GALNT17: variants seen among roughly 807,000 people sequenced by gnomAD.
The protein encoded by GALNT17 is polypeptide N-acetylgalactosaminyltransferase 17.
A neutral mutation model predicts 63.7 loss-of-function variants in GALNT17; 29 were observed. The ratio of observed to expected loss-of-function variants is 0.46; its 90% CI spans 0.34 to 0.62. GALNT17 has a LOEUF of 0.62. Ranked by LOEUF, GALNT17 falls within the 20% of genes least tolerant of loss-of-function variation. The pLI is 0.01. For synonymous variants in GALNT17, 305 were observed against 318.3 expected (o/e 0.96, Z 0.45); for missense variants, 603 against 799.6 (o/e 0.75, Z 2.97).
intron 3 of GALNT17, among the ~76,000 whole-genome samples, 153 bp from the exon 4 acceptor site, chr7:71,415,736 G>A (rs1031600631): frequency 2.0e-5 from 3 of 152,174 alleles, no homozygotes; most frequent in Non-Finnish European, 2.9e-5. Context: ...CTGACTCCTA[G>A]ACTGATGAGA....
In GALNT17 at chr7:71,661,191, G is replaced by A. The variant is rs1323791714; in HGVS notation, c.1081-4220G>A. 2.6e-5 allele frequency among the ~76,000 whole-genome samples: 4 copies of A among 152,232 alleles called. No individual in the cohort carries two copies. In the South Asian group the frequency reaches 8.3e-4, roughly 31 times the overall value. ...AAGAGAAGTCAAGGGGTCTACAGCTGTAGGTCAGCTCTCCCAGGGCAGGAA... is the reference window on the plus strand; with the variant it reads ...AAGAGAAGTCAAGGGGTCTACAGCTATAGGTCAGCTCTCCCAGGGCAGGAA... On this transcript the variant is annotated intron_variant, in intron 6 of 10. Transcript: ENST00000333538.
intron 5 of GALNT17, among the ~76,000 whole-genome samples, chr7:71,422,606 CG>C (rs1045463856): frequency 3.9e-5 from 6 of 152,194 alleles, no homozygotes; most frequent in African/African-American, 1.4e-4. Context: ...GGGTAGGTTG[CG>C]GGGAGCATTT....
chr7:71,254,281 G>A (rs1790251425), intron 1 of GALNT17, among the ~76,000 whole-genome samples: 10 of 152,160 alleles, frequency 6.6e-5, no homozygotes, highest in Admixed American at 6.5e-4. Flanking sequence ...GAAGCCTCCA[G>A]GCAGCAGGCT....
At chr7:71,504,709 C>G (rs1033010028) in intron 5 of GALNT17, among the ~76,000 whole-genome samples, 3 of 152,064 alleles carry the variant, frequency 2.0e-5, no homozygotes, top group African/African-American at 7.2e-5. Context: ...TTACCTTTGT[C>G]AAATTTGCTG....
intron 1 of GALNT17, among the ~76,000 whole-genome samples, chr7:71,249,092 G>A (rs1790151452): frequency 1.3e-5 from 2 of 152,154 alleles, no homozygotes; most frequent in South Asian, 4.1e-4. Flanking sequence ...ATAACAAAAA[G>A]TAGAGTCAGT....
rs758503243 is a variant in GALNT17, at chr7:71,711,979, TCTCTCTTCTC to T, written c.1669-28_1669-19del. On this transcript the variant is annotated intron_variant, in intron 10 of 10. Coordinates refer to ENST00000333538, the MANE Select transcript of GALNT17 (RefSeq NM_022479.3). ...TATCTCTCGCTGTCTCTCTCTCCTC[TCTCTCTTCTC>T]CTCTCTTCTCGATTTTGCCCCCTCC... is the stretch of plus-strand genomic sequence containing the variant. 4 of 1,610,078 alleles carry T rather than the reference TCTCTCTTCTC, an allele frequency of 2.5e-6. No individual in the cohort carries two copies. In the East Asian group the frequency reaches 8.9e-5, roughly 36 times the overall value.
At chr7:71,376,280 A>G (rs140454143) in intron 2 of GALNT17, among the ~76,000 whole-genome samples, 12 of 152,072 alleles carry the variant, frequency 7.9e-5, no homozygotes, top group Non-Finnish European at 1.6e-4. Flanking sequence ...ATGTAAGAAT[A>G]ACGTAGGCAG....
At chr7:71,269,877 T>C (rs1790555109) in intron 1 of GALNT17, among the ~76,000 whole-genome samples, 1 of 152,114 alleles carries the variant, frequency 6.6e-6, no homozygotes, top group Admixed American at 6.5e-5. Flanking sequence ...GATAAATTTG[T>C]TGTAAAACCT....
chr7:71,252,573 C>T (rs141471982), intron 1 of GALNT17, among the ~76,000 whole-genome samples: 63 of 152,228 alleles, frequency 4.1e-4, no homozygotes, highest in Non-Finnish European at 6.8e-4. Flanking sequence ...CTATTTATGA[C>T]GTTTACTTGT....
At chr7:71,401,376 C>T (rs1308455770) in intron 3 of GALNT17, among the ~76,000 whole-genome samples, 1 of 152,092 alleles carries the variant, frequency 6.6e-6, no homozygotes, top group African/African-American at 2.4e-5. Flanking sequence ...GGATTACAGG[C>T]GTGAGCCACC....
In GALNT17 at chr7:71,378,350, C is replaced by T. The variant is rs543827654; in HGVS notation, c.423-9885C>T. On this transcript the variant is annotated intron_variant, in intron 2 of 10. Transcript: ENST00000333538. ...AACCCCCATCTCATTTTGCAAGGTT[C>T]GCTGTTGCCAAAAATGATACCACTC... Among the ~76,000 whole-genome samples, 71 of 152,166 alleles carry T rather than the reference C, an allele frequency of 4.7e-4. No individual in the cohort carries two copies. The Middle Eastern group carries it at 0.01, about 22-fold the overall frequency.
Position 71,644,924 on chromosome 7 carries a change from T to G in GALNT17, c.1081-20487T>G, listed in dbSNP as rs573692070. Reference sequence around the variant, plus strand: ...CATGGTTGGCAGGTAGCCTTCCTGGTGGTCATTCAGTGACTTTAGCTTCTT... The same window carrying G: ...CATGGTTGGCAGGTAGCCTTCCTGGGGGTCATTCAGTGACTTTAGCTTCTT... On this transcript the variant is annotated intron_variant, in intron 6 of 10. Coordinates refer to ENST00000333538, the MANE Select transcript of GALNT17 (RefSeq NM_022479.3). Among the ~76,000 whole-genome samples, 9 of 152,296 alleles carry G rather than the reference T, an allele frequency of 5.9e-5. No individual in the cohort carries two copies. The South Asian group carries it at 1.5e-3, about 25-fold the overall frequency.
chr7:71,279,891 T>A (rs1489448048), intron 1 of GALNT17, among the ~76,000 whole-genome samples: 1 of 151,866 alleles, frequency 6.6e-6, no homozygotes, highest in East Asian at 1.9e-4. Context: ...GGTGGTGTCT[T>A]CATTGGGGGT....
rs1425017744 is a variant in GALNT17, at chr7:71,242,760, T to G, written c.239-92790T>G. Among the ~76,000 whole-genome samples the G allele has an allele frequency of 7.2e-5, 11 of 152,312 alleles. 1 individual carries two copies. The South Asian group carries it at 2.3e-3, about 32-fold the overall frequency. ...AGGACTTTGCTGTGCAAGACTGCCA[T>G]CTTCCCTGGTAAAGCTGGTGTCATT... is the stretch of plus-strand genomic sequence containing the variant. On this transcript the variant is annotated intron_variant, in intron 1 of 10. Transcript: ENST00000333538.
chr7:71,634,762 AAAAAAAGAAAAAAG>A (rs1208196933), intron 6 of GALNT17, among the ~76,000 whole-genome samples: 1 of 151,516 alleles, frequency 6.6e-6, no homozygotes, highest in East Asian at 2.0e-4. Context: ...TCAAAAAAAA[AAAAAAAGAAAAAAG>A]AAAAAGAAAA....
At chr7:71,156,058 T>C (rs1562870416) in intron 1 of GALNT17, among the ~76,000 whole-genome samples, 1 of 151,402 alleles carries the variant, frequency 6.6e-6, no homozygotes, top group East Asian at 1.9e-4. Flanking sequence ...TAGCCAGGCG[T>C]GGTGGTGTAT....
intron 1 of GALNT17, among the ~76,000 whole-genome samples, chr7:71,175,078 A>C (rs1788611315): frequency 6.6e-6 from 1 of 152,062 alleles, no homozygotes; most frequent in Non-Finnish European, 1.5e-5. Flanking sequence ...TTCTATCTAT[A>C]TCTATCTATC....
intron 5 of GALNT17, among the ~76,000 whole-genome samples, chr7:71,450,578 T>C (rs1175353089): frequency 2.0e-5 from 3 of 152,226 alleles, no homozygotes; most frequent in Non-Finnish European, 4.4e-5. Flanking sequence ...TATAATTAAA[T>C]GGTTTTTAGT....
chr7:71,602,568 C>G (rs1789981658), intron 6 of GALNT17, among the ~76,000 whole-genome samples: 2 of 152,198 alleles, frequency 1.3e-5, no homozygotes, highest in Admixed American at 6.5e-5. Context: ...TTCTTGCACA[C>G]AGATTCGGTT....
Sources: allele counts gnomAD v4.1 joint callset (sites outside exome capture counted in the v4.1 genomes callset), GRCh38; gene constraint gnomAD v4.1.1; transcripts MANE v1.5; gene names NCBI Gene and HGNC (gene_info 2026-07-23, HGNC 2026-07-21).